APLP2: variants seen among roughly 807,000 people sequenced by gnomAD.
APLP2 encodes the protein amyloid beta precursor like protein 2.
Under a neutral mutation model 89.9 loss-of-function variants are expected in APLP2, and 53 were observed. That is an observed-to-expected ratio of 0.59 (90% CI 0.47 to 0.74). APLP2 has a LOEUF of 0.74. APLP2 is among the 30% of genes least tolerant of loss of function. APLP2 has a pLI of 0.00. For missense variants in APLP2, 973 were observed against 975.9 expected, an observed-to-expected ratio of 1.00 and a Z score of 0.04; for synonymous variants, 372 against 348.6, an observed-to-expected ratio of 1.07 and a Z score of -0.75.
At chr11:130,104,766 G>C (rs764503082) in intron 1 of APLP2, among the ~76,000 whole-genome samples, 1 of 152,032 alleles carries the variant, frequency 6.6e-6, no homozygotes, top group South Asian at 2.1e-4. Flanking sequence ...ATGAATATTC[G>C]TTCCAGCAGG....
rs1022951614 is a variant in APLP2, at chr11:130,144,062, A to C, written c.*614A>C. 6.5e-6 allele frequency: 1 copy of C among 152,842 alleles called. No individual in the cohort carries two copies. Among genetic ancestry groups the C allele is most frequent in the Admixed American group, 6.5e-5 (1 of 15,332 alleles). The allele number at this position is 152,842 out of a possible 1,614,324, so 9.5% of individuals were successfully genotyped here. Reference sequence around the variant, plus strand: ...CACGGCTGGATACCTGTGTGTCTCCATAAAAGTCCTGTCACCAAGGACGTT... The same window carrying C: ...CACGGCTGGATACCTGTGTGTCTCCCTAAAAGTCCTGTCACCAAGGACGTT... On this transcript the variant is annotated 3_prime_UTR_variant, in exon 17 of 17. Transcript: ENST00000338167.
intron 1 of APLP2, chr11:130,082,731 C>G (rs1228561045): frequency 4.3e-6 from 1 of 230,512 alleles, no homozygotes; most frequent in African/African-American, 2.3e-5. Flanking sequence ...TTTGGGACAG[C>G]CTAGTTTTGT....
In APLP2 at chr11:130,123,466, GCTGGAGCTTTCGGCCACCGGGC is replaced by G. The variant is rs1330661852; in HGVS notation, c.923-143_923-122del. On this transcript the variant is annotated intron_variant, in intron 6 of 16. Transcript: ENST00000338167. This position sits in a 1 kb window ranked among gnomAD's most constrained non-coding sequence, Gnocchi z 4.0. ...CTTGTCCTCAGCAAGGCTGGCCTGA[GCTGGAGCTTTCGGCCACCGGGC>G]CTCCAGGCTCCGTCCAGTCTCAGGC... 7 of 784,070 alleles carry G rather than the reference GCTGGAGCTTTCGGCCACCGGGC, an allele frequency of 8.9e-6. No individual in the cohort carries two copies. In the African/African-American group the frequency reaches 1.0e-4, roughly 12 times the overall value. 48.6% of individuals were successfully genotyped at this position (784,070 alleles called of 1,614,324 possible).
intron 9 of APLP2, 65 bp from the exon 10 acceptor site, chr11:130,128,983 G>A: frequency 1.9e-6 from 3 of 1,551,794 alleles, no homozygotes; most frequent in Non-Finnish European, 2.6e-6. Context: ...TGGGGTCTCA[G>A]GGTGCTTGCT....
intron 3 of APLP2, among the ~76,000 whole-genome samples, chr11:130,115,130 A>G (rs1004124026): frequency 6.6e-6 from 1 of 152,168 alleles, no homozygotes; most frequent in South Asian, 2.1e-4. Context: ...CCACCTGGGT[A>G]CAGCTTTTAC....
chr11:130,109,928 ACCAGTAT>A, intron 2 of APLP2: 1 of 250,338 alleles, frequency 4.0e-6, no homozygotes, highest in South Asian at 1.0e-4. Context: ...ACAGAAAGCC[ACCAGTAT>A]TGTAAAGGAT....
At chr11:130,092,920 C>T (rs1271533538) in intron 1 of APLP2, among the ~76,000 whole-genome samples, 1 of 152,060 alleles carries the variant, frequency 6.6e-6, no homozygotes, top group Non-Finnish European at 1.5e-5. Flanking sequence ...ACCTCATTTG[C>T]AGAGCAAACT....
chr11:130,106,650 G>A (rs1178186803), intron 1 of APLP2, among the ~76,000 whole-genome samples: 1 of 151,688 alleles, frequency 6.6e-6, no homozygotes, highest in East Asian at 1.9e-4. Context: ...CTCTCTTTAG[G>A]AAGCTTCCTT....
At chr11:130,127,703 C>A in intron 8 of APLP2, 63 bp from the exon 9 acceptor site, 3 of 1,363,056 alleles carry the variant, frequency 2.2e-6, no homozygotes, top group Non-Finnish European at 3.1e-6. Flanking sequence ...GTGTTTTTAG[C>A]AAATGGAGGA....
chr11:130,114,482 T>C (rs1372221613), intron 3 of APLP2: 1 of 152,266 alleles, frequency 6.6e-6, no homozygotes, highest in African/African-American at 2.4e-5. Flanking sequence ...CTGGCTAAGA[T>C]GGTATCTACA....
Position 130,069,910 on chromosome 11 carries a change from C to G in APLP2, c.-68C>G, listed in dbSNP as rs1283657207. 65 of 1,212,476 alleles carry G rather than the reference C, an allele frequency of 5.4e-5. 1 individual carries two copies. The South Asian group carries it at 5.7e-4, about 11-fold the overall frequency. The allele number at this position is 1,212,476 out of a possible 1,614,324, so 75.1% of individuals were successfully genotyped here. ...ACTGGCTTTAGATGCTTCTGGGTCG[C>G]GGTGTGCTAAGCGAGGAGTCCGAGT... On this transcript the variant is annotated 5_prime_UTR_variant, in exon 1 of 17. Coordinates refer to ENST00000338167, the MANE Select transcript of APLP2 (RefSeq NM_001142276.2).
chr11:130,075,056 C>A (rs1350776241), intron 1 of APLP2, among the ~76,000 whole-genome samples: 1 of 152,230 alleles, frequency 6.6e-6, no homozygotes, highest in African/African-American at 2.4e-5. Context: ...TAGGCACATT[C>A]AAGCAGAAAT....
intron 1 of APLP2, among the ~76,000 whole-genome samples, chr11:130,093,391 G>A (rs1945717789): frequency 6.6e-6 from 1 of 152,218 alleles, no homozygotes. Context: ...AAGGAGAGAA[G>A]AGGGGGCATA....
chr11:130,118,735 G>A (rs530651519), intron 3 of APLP2, among the ~76,000 whole-genome samples: 1 of 152,194 alleles, frequency 6.6e-6, no homozygotes, highest in Non-Finnish European at 1.5e-5. Context: ...ATGCTTTTAA[G>A]TCTCGTTGAT....
intron 11 of APLP2, among the ~76,000 whole-genome samples, chr11:130,130,866 AC>A (rs1950871759): frequency 6.6e-6 from 1 of 152,060 alleles, no homozygotes; most frequent in Non-Finnish European, 1.5e-5. Flanking sequence ...CAGCCCAGAA[AC>A]CCTCCTTCCC....
At chr11:130,090,977 C>T (rs12805770) in intron 1 of APLP2, among the ~76,000 whole-genome samples, 1 of 149,174 alleles carries the variant, frequency 6.7e-6, no homozygotes, top group Admixed American at 6.6e-5. Flanking sequence ...GACGGGGCGG[C>T]TGGCCGGGCG....
intron 12 of APLP2, among the ~76,000 whole-genome samples, chr11:130,134,926 A>G (rs2136086573): frequency 6.6e-6 from 1 of 152,286 alleles, no homozygotes; most frequent in South Asian, 2.1e-4. Context: ...ACATGTTAAG[A>G]TAGAAATTTC....
intron 11 of APLP2, among the ~76,000 whole-genome samples, chr11:130,132,774 T>A (rs1283842786): frequency 6.6e-6 from 1 of 152,208 alleles, no homozygotes; most frequent in East Asian, 1.9e-4. Context: ...AATAAACTAA[T>A]TCTTTATTTA....
chr11:130,115,585 C>CA (rs1455429631), intron 3 of APLP2, among the ~76,000 whole-genome samples: 1 of 152,120 alleles, frequency 6.6e-6, no homozygotes, highest in African/African-American at 2.4e-5. Context: ...CATTGATCAG[C>CA]AAAAACAGTA....
Sources: gnomAD v4.1 joint callset for allele counts (sites outside exome capture counted in the v4.1 genomes callset) on GRCh38, gnomAD v4.1.1 for gene constraint, Gnocchi (gnomAD v3.1) non-coding constraint, MANE v1.5 for transcripts, NCBI Gene and HGNC (gene_info 2026-07-23, HGNC 2026-07-21) for gene names.